The following TMEM117 variants were observed in gnomAD, a reference collection of about 807,000 sequenced individuals.
TMEM117 encodes transmembrane protein 117.
In TMEM117, 27 loss-of-function variants were observed where a neutral mutation model predicts 52.4. The ratio of observed to expected loss-of-function variants is 0.51; its 90% CI spans 0.38 to 0.71. The LOEUF (loss-of-function observed/expected upper bound fraction) is 0.71. Ranked by LOEUF, TMEM117 falls within the 30% of genes least tolerant of loss-of-function variation. TMEM117 has a pLI of 0.00. For missense variants in TMEM117, 556 were observed against 630.5 expected, an observed-to-expected ratio of 0.88 and a Z score of 1.26; for synonymous variants, 215 against 206.3, an observed-to-expected ratio of 1.04 and a Z score of -0.36.
chr12:43,993,607 ACAT>A (rs970532206), intron 3 of TMEM117, among the ~76,000 whole-genome samples: 38 of 152,170 alleles, frequency 2.5e-4, no homozygotes, highest in African/African-American at 8.7e-4. Context: ...GGTGAAAAAA[ACAT>A]CACTATGTAT....
intron 2 of TMEM117, among the ~76,000 whole-genome samples, chr12:43,859,820 T>G (rs892213947): frequency 1.3e-5 from 2 of 152,236 alleles, no homozygotes; most frequent in African/African-American, 4.8e-5. Flanking sequence ...ATTCCCATCA[T>G]ATACTGAACA....
intron 5 of TMEM117, among the ~76,000 whole-genome samples, chr12:44,294,526 C>T (rs1276281698): frequency 6.6e-6 from 1 of 152,146 alleles, no homozygotes; most frequent in African/African-American, 2.4e-5. Context: ...AAGATTTGTT[C>T]TTACCATGGA....
intron 5 of TMEM117, among the ~76,000 whole-genome samples, chr12:44,234,539 A>T (rs1307896785): frequency 6.6e-6 from 1 of 151,286 alleles, no homozygotes; most frequent in East Asian, 1.9e-4. Flanking sequence ...TCATTTAAAT[A>T]AACTAATCTT....
At chr12:43,953,803 C>T (rs1945262524) in intron 3 of TMEM117, among the ~76,000 whole-genome samples, 1 of 152,142 alleles carries the variant, frequency 6.6e-6, no homozygotes, top group Non-Finnish European at 1.5e-5. Context: ...CCAGGTGGAC[C>T]TGATAGATAT....
the TMEM117 span, among the ~76,000 whole-genome samples, chr12:43,796,365 T>C: frequency 6.6e-6 from 1 of 152,102 alleles, no homozygotes; most frequent in Non-Finnish European, 1.5e-5. Flanking sequence ...ACTGGTAGTT[T>C]TTAAGGACCT....
At chr12:44,304,785 T>C (rs1303204778) in intron 6 of TMEM117, among the ~76,000 whole-genome samples, 1 of 152,192 alleles carries the variant, frequency 6.6e-6, no homozygotes, top group Admixed American at 6.5e-5. Flanking sequence ...TAAAGGGCCC[T>C]TGGGCCTTAA....
intron 6 of TMEM117, among the ~76,000 whole-genome samples, chr12:44,305,809 T>C (rs1950896184): frequency 6.6e-6 from 1 of 152,148 alleles, no homozygotes; most frequent in African/African-American, 2.4e-5. Context: ...TTACTGAGTA[T>C]ATACCCAAAG....
intron 6 of TMEM117, among the ~76,000 whole-genome samples, chr12:44,344,837 T>C (rs1332131545): frequency 6.6e-6 from 1 of 151,948 alleles, no homozygotes; most frequent in Non-Finnish European, 1.5e-5. Flanking sequence ...ATAGAGGAGA[T>C]CCTGGATAGG....
intron 3 of TMEM117, among the ~76,000 whole-genome samples, chr12:44,028,018 C>A (rs1246038864): frequency 2.0e-5 from 3 of 152,048 alleles, no homozygotes; most frequent in Admixed American, 6.6e-5. Flanking sequence ...ATGGTGAAAC[C>A]CCGTCTCTAC....
intron 7 of TMEM117, among the ~76,000 whole-genome samples, chr12:44,380,757 C>G (rs1219310061): frequency 2.0e-5 from 3 of 152,162 alleles, no homozygotes; most frequent in African/African-American, 7.2e-5. Context: ...AAAGCTTTTC[C>G]TTTCATCTGG....
chr12:44,166,267 A>G (rs753142769), intron 4 of TMEM117, among the ~76,000 whole-genome samples: 1 of 152,252 alleles, frequency 6.6e-6, no homozygotes, highest in Non-Finnish European at 1.5e-5. Flanking sequence ...ACGTCAAAAA[A>G]GTATAAAGAT....
chr12:43,990,407 T>C (rs1401704543), intron 3 of TMEM117, among the ~76,000 whole-genome samples: 1 of 152,216 alleles, frequency 6.6e-6, no homozygotes, highest in Admixed American at 6.5e-5. Flanking sequence ...TCACTATCCT[T>C]TGAAGTTTTA....
intron 5 of TMEM117, among the ~76,000 whole-genome samples, chr12:44,254,474 A>G (rs1339573661): frequency 6.6e-6 from 1 of 151,976 alleles, no homozygotes; most frequent in Admixed American, 6.6e-5. Context: ...CAGATTTTTA[A>G]AAAGTTTTTA....
At chr12:43,974,229 T>C (rs1945636297) in intron 3 of TMEM117, among the ~76,000 whole-genome samples, 3 of 152,176 alleles carry the variant, frequency 2.0e-5, no homozygotes, top group Non-Finnish European at 4.4e-5. Context: ...GTTATTGTTT[T>C]TTCTTGGAGA....
At chr12:43,912,907 C>T (rs527365693) in intron 2 of TMEM117, among the ~76,000 whole-genome samples, 4 of 152,156 alleles carry the variant, frequency 2.6e-5, no homozygotes, top group Non-Finnish European at 4.4e-5. Context: ...TTGGAGTCCT[C>T]CAAGAAAGGC....
At chr12:44,086,951 A>T (rs989843590) in intron 3 of TMEM117, among the ~76,000 whole-genome samples, 17 of 147,568 alleles carry the variant, frequency 1.2e-4, no homozygotes, top group Non-Finnish European at 1.9e-4. Context: ...AAATTATATA[A>T]TATATAATTA....
intron 4 of TMEM117, among the ~76,000 whole-genome samples, chr12:44,195,196 C>T (rs114370072): frequency 1.2e-4 from 18 of 152,250 alleles, no homozygotes; most frequent in African/African-American, 4.1e-4. Context: ...AAACCTGATT[C>T]CCAGCTCATT....
intron 2 of TMEM117, among the ~76,000 whole-genome samples, chr12:43,885,331 G>C (rs1163005812): frequency 1.3e-5 from 2 of 152,058 alleles, no homozygotes; most frequent in African/African-American, 4.8e-5. Context: ...GTGCTTCAAA[G>C]AGAATAGAGT....
chr12:44,060,631 A>G (rs992715704), intron 3 of TMEM117, among the ~76,000 whole-genome samples: 5 of 152,298 alleles, frequency 3.3e-5, no homozygotes, highest in African/African-American at 2.4e-5. Flanking sequence ...AGAGAAAAGT[A>G]TGTCTGGAGA....
Sources: allele counts gnomAD v4.1 joint callset (sites outside exome capture counted in the v4.1 genomes callset), GRCh38; gene constraint gnomAD v4.1.1; transcripts MANE v1.5; gene names NCBI Gene and HGNC (gene_info 2026-07-23, HGNC 2026-07-21).